Variants in CLPB observed in about 807,000 individuals in gnomAD.
CLPB encodes the protein ClpB family mitochondrial disaggregase.
In CLPB, 40 loss-of-function variants were observed where a neutral mutation model predicts 78.4. That is an observed-to-expected ratio of 0.51 (90% CI 0.40 to 0.66). The LOEUF (loss-of-function observed/expected upper bound fraction) is 0.66. Ranked by LOEUF, CLPB falls within the 30% of genes least tolerant of loss-of-function variation. CLPB has a pLI of 0.00. For synonymous variants in CLPB, 333 were observed against 348.0 expected (o/e 0.96, Z 0.48); for missense variants, 780 against 886.9 (o/e 0.88, Z 1.53).
intron 5 of CLPB, chr11:72,354,140 G>C (rs1950663362): frequency 2.8e-6 from 1 of 356,626 alleles, no homozygotes; most frequent in South Asian, 1.5e-4. Context: ...TAAATGGCAG[G>C]GCTGGTACCA....
rs680660 is a variant in CLPB, at chr11:72,293,670, T to C, written c.1786-55A>G. On this transcript the variant is annotated intron_variant, in intron 15 of 15. Transcript: ENST00000538039. Reference sequence around the variant, plus strand: ...CCTCGGCCTGGACCCAGCTTGGAGGTCGGCCTCCATCACTTACTGCTAGGG... The same window carrying C: ...CCTCGGCCTGGACCCAGCTTGGAGGCCGGCCTCCATCACTTACTGCTAGGG... 150,265 of 1,557,804 alleles carry C rather than the reference T, an allele frequency of 0.096. 11,367 individuals carry two copies. The highest frequency in any genetic ancestry group is 0.4 in the African/African-American group (29,421 of 73,586).
At chr11:72,363,965 C>A (rs1950891466) in intron 4 of CLPB, among the ~76,000 whole-genome samples, 1 of 152,226 alleles carries the variant, frequency 6.6e-6, no homozygotes, top group Non-Finnish European at 1.5e-5. Context: ...CCTGCTGAGG[C>A]ATCACAGCAC....
chr11:72,336,912 C>G (rs1174758042), intron 5 of CLPB: 1 of 394,302 alleles, frequency 2.5e-6, no homozygotes, highest in Non-Finnish European at 4.5e-6. Context: ...CTCCGATTAC[C>G]CAGATCCTGC....
chr11:72,307,327 A>G lies in CLPB; in HGVS notation c.1067-73T>C, dbSNP rs1197903409. The G allele has an allele frequency of 5.0e-6, 6 of 1,198,488 alleles. No homozygotes were observed. The African/African-American group carries it at 9.0e-5, about 18-fold the overall frequency. The allele number at this position is 1,198,488 out of a possible 1,614,324, so 74.2% of individuals were successfully genotyped here. A position where few individuals can be genotyped will look rare whatever the true frequency, so the allele number is the denominator to read the frequency against. On this transcript the variant is annotated intron_variant, in intron 8 of 15. Transcript: ENST00000538039. ...CCGCTGGAATGAAAGAATACTAGAA[A>G]TGCACGGACACTAGAAAGAATATAT...
intron 2 of CLPB, among the ~76,000 whole-genome samples, chr11:72,405,184 G>A (rs979834124): frequency 6.6e-6 from 1 of 152,190 alleles, no homozygotes; most frequent in African/African-American, 2.4e-5. Context: ...GGAAGTGCAC[G>A]TCAATCAAGG....
chr11:72,307,212 T>G lies in CLPB; in HGVS notation c.1109A>C (p.Lys370Thr), dbSNP rs1299395890. 6.2e-7 allele frequency: 1 copy of G among 1,614,126 alleles called. No individual in the cohort carries two copies. The change falls in exon 9 of 16, where the codon AAA (lysine) becomes ACA (threonine). Residue 370 changes from lysine to threonine, a missense_variant. This residue lies in a region of CLPB where 91 missense variants were observed against 168.2 expected (regional missense o/e 0.54). Transcript: ENST00000538039. ...CCCAGTTCTTACCTTTTTAGCATCT[T>G]TGTGCATATATTTGGCTGTCTGCTT... ...LAKQTAKYMH[K>T]DAKKGFIRLD...
intron 3 of CLPB, among the ~76,000 whole-genome samples, chr11:72,392,807 A>T (rs78990995): frequency 0.081 from 12,367 of 152,158 alleles, 767 homozygotes; most frequent in African/African-American, 0.18. Context: ...AAGATTCAAA[A>T]CCAGGTCTGT....
At chr11:72,303,306 C>G (rs576656075) in intron 9 of CLPB, among the ~76,000 whole-genome samples, 6 of 152,342 alleles carry the variant, frequency 3.9e-5, no homozygotes, top group African/African-American at 1.4e-4. Flanking sequence ...TGCCAAGATT[C>G]TCAGCGGGAG....
intron 7 of CLPB, among the ~76,000 whole-genome samples, chr11:72,309,096 C>T (rs1169580689): frequency 2.0e-5 from 3 of 152,140 alleles, no homozygotes; most frequent in African/African-American, 7.2e-5. Context: ...AGGTCTGGTC[C>T]ACTGTCTGGG....
In CLPB at chr11:72,325,329, G is replaced by A. The variant is rs142793912; in HGVS notation, c.873+4378C>T. 1.7e-4 allele frequency among the ~76,000 whole-genome samples: 26 copies of A among 152,204 alleles called. No homozygotes were observed. The East Asian group carries it at 4.4e-3, about 26-fold the overall frequency. ...CTCTCTCTGCCAGGAGGTGATCCACGCTTTCTTGGAGACTCTACCAACTCT... is the reference window on the plus strand; with the variant it reads ...CTCTCTCTGCCAGGAGGTGATCCACACTTTCTTGGAGACTCTACCAACTCT... On this transcript the variant is annotated intron_variant, in intron 6 of 15. Transcript: ENST00000538039.
intron 3 of CLPB, among the ~76,000 whole-genome samples, chr11:72,392,200 C>T (rs1855273992): frequency 6.6e-6 from 1 of 152,004 alleles, no homozygotes; most frequent in Non-Finnish European, 1.5e-5. Context: ...CTCCTCCCCA[C>T]CCCCCACATC....
At chr11:72,331,888 T>A (rs910773549) in intron 5 of CLPB, among the ~76,000 whole-genome samples, 6 of 152,142 alleles carry the variant, frequency 3.9e-5, no homozygotes, top group African/African-American at 1.4e-4. Flanking sequence ...TCTCTACTTC[T>A]TAAAAGACCC....
chr11:72,335,323 T>A (rs1050575263), intron 5 of CLPB, among the ~76,000 whole-genome samples: 1 of 152,200 alleles, frequency 6.6e-6, no homozygotes, highest in African/African-American at 2.4e-5. Flanking sequence ...TTATTGACTC[T>A]CCAAGTGGAA....
At chr11:72,352,912 G>C (rs1407068596) in intron 5 of CLPB, 2 of 152,256 alleles carry the variant, frequency 1.3e-5, no homozygotes, top group Non-Finnish European at 2.9e-5. Flanking sequence ...AAAGGTGAAA[G>C]GATTTGTTGG....
intron 4 of CLPB, chr11:72,373,059 C>T: frequency 1.9e-6 from 3 of 1,549,138 alleles, no homozygotes; most frequent in Non-Finnish European, 2.7e-6. Flanking sequence ...AGGCCAGGTC[C>T]TGCAGGCCCT....
rs939860720 is a variant in CLPB at position 72,290,972 on chromosome 11, A to C, written c.*2395T>G. ...AAAAAAAAAAAAAACCAAAACAAAAAGTTACCACCACCCTCCGCTAGGAGG... is the reference window on the plus strand; with the variant it reads ...AAAAAAAAAAAAAACCAAAACAAAACGTTACCACCACCCTCCGCTAGGAGG... On this transcript the variant is annotated 3_prime_UTR_variant, in exon 16 of 16. Coordinates refer to ENST00000538039, the MANE Select transcript of CLPB (RefSeq NM_001258392.3). 1 of 151,962 alleles carries C rather than the reference A, an allele frequency of 6.6e-6. No individual in the cohort carries two copies. The highest frequency in any genetic ancestry group is 6.6e-5 in the Admixed American group (1 of 15,258). 9.4% of individuals were successfully genotyped at this position (151,962 alleles called of 1,614,324 possible). A position where few individuals can be genotyped will look rare whatever the true frequency, so the allele number is the denominator to read the frequency against.
intron 3 of CLPB, among the ~76,000 whole-genome samples, chr11:72,391,692 T>A (rs1422528895): frequency 3.3e-5 from 5 of 152,204 alleles, no homozygotes; most frequent in Non-Finnish European, 5.9e-5. Flanking sequence ...AAAACGTATA[T>A]GTTCCTCTCC....
Position 72,293,394 on chromosome 11 carries a change from G to T in CLPB, c.2007C>A (p.His669Gln), listed in dbSNP as rs893345264. Residue 669 changes from histidine (H) to glutamine (Q), a missense_variant, in exon 16 of 16, where the codon CAC becomes CAA. Around this residue, in one of 3 missense-constraint regions of CLPB, gnomAD observed 272 missense variants for 304.0 expected, o/e 0.89. Coordinates refer to ENST00000538039, the MANE Select transcript of CLPB (RefSeq NM_001258392.3). The part of the protein sequence containing the change: ...TRRLDIRAPL[H>Q]PEKVCNTI The stretch of plus-strand genomic sequence containing the variant: ...AGATGGTGTTGCACACCTTCTCAGG[G>T]TGCAGTGGTGCCCGGATGTCCAGTC... The T allele has an allele frequency of 1.1e-5, 17 of 1,614,158 alleles. No individual in the cohort carries two copies. The highest frequency in any genetic ancestry group is 1.4e-5 in the Non-Finnish European group (16 of 1,180,014).
chr11:72,340,686 G>A (rs1950403969), intron 5 of CLPB, among the ~76,000 whole-genome samples: 1 of 152,120 alleles, frequency 6.6e-6, no homozygotes, highest in Non-Finnish European at 1.5e-5. Context: ...ACCCTAGAGA[G>A]CTCTGGGAAC....
Sources: allele counts gnomAD v4.1 joint callset (sites outside exome capture counted in the v4.1 genomes callset), GRCh38; gene constraint gnomAD v4.1.1; regional missense constraint gnomAD v4.1.1; transcripts MANE v1.5; gene names NCBI Gene and HGNC (gene_info 2026-07-23, HGNC 2026-07-21).